The following HIVEP1 variants were observed in gnomAD, a reference collection of about 807,000 sequenced individuals.
The protein encoded by HIVEP1 is zinc finger protein 40.
HIVEP1 carries 36 observed loss-of-function variants against 180.0 expected under a neutral mutation model. The observed-to-expected ratio is 0.20, with a 90% CI of 0.15 to 0.26. HIVEP1 has a LOEUF of 0.26. Ranked by LOEUF, HIVEP1 falls within the 10% of genes least tolerant of loss-of-function variation. HIVEP1 has a pLI of 1.00. For missense variants in HIVEP1, 3,143 were observed against 3,268.7 expected (o/e 0.96, Z 0.94); for synonymous variants, 1,239 against 1,239.0 (o/e 1.00, Z 0.00).
the HIVEP1 span, among the ~76,000 whole-genome samples, chr6:12,170,064 T>C: frequency 3.3e-5 from 5 of 151,564 alleles, no homozygotes; most frequent in Admixed American, 6.6e-5. Context: ...GAGCTTGCAG[T>C]GAGCTGAGAT....
intron 4 of HIVEP1, 32 bp downstream of exon 4, chr6:12,125,902 G>T (rs780579162): frequency 3.6e-6 from 5 of 1,372,470 alleles, no homozygotes; most frequent in Admixed American, 2.1e-5. Flanking sequence ...TTCAGATATG[G>T]TTTGCGCAAA....
chr6:12,105,879 A>T (rs1049599595), intron 3 of HIVEP1, among the ~76,000 whole-genome samples: 1 of 152,020 alleles, frequency 6.6e-6, no homozygotes, highest in Non-Finnish European at 1.5e-5. Context: ...ATTTTGGTAC[A>T]TGCTGTTTGC....
intron 8 of HIVEP1, among the ~76,000 whole-genome samples, chr6:12,162,212 T>G (rs1377149958): frequency 1.3e-5 from 1 of 76,608 alleles, no homozygotes; most frequent in Admixed American, 1.4e-4. Context: ...TTTTGAAAAA[T>G]TTTTGAAATT....
chr6:12,008,422 G>C (rs537102646), upstream of HIVEP1: 2 of 152,310 alleles, frequency 1.3e-5, no homozygotes, highest in African/African-American at 4.8e-5. Context: ...AATGTAGGAG[G>C]CCTCCCGCTG....
At chr6:12,135,958 C>A in intron 7 of HIVEP1, 66 bp downstream of exon 7, 1 of 890,406 alleles carries the variant, frequency 1.1e-6, no homozygotes, top group Non-Finnish European at 1.8e-6. Context: ...GCTTCCATAC[C>A]CTTTCCATTC....
chr6:12,152,825 TG>T (rs34222460), intron 7 of HIVEP1, among the ~76,000 whole-genome samples: 103,357 of 151,984 alleles, frequency 0.68, 35,446 homozygotes, highest in Non-Finnish European at 0.71. Context: ...GAAGCCACCC[TG>T]GGTGTCTTCT....
At chr6:12,108,442 G>C (rs1489262212) in intron 3 of HIVEP1, among the ~76,000 whole-genome samples, 1 of 152,234 alleles carries the variant, frequency 6.6e-6, no homozygotes, top group Non-Finnish European at 1.5e-5. Context: ...AGCAGGGGGC[G>C]GCGCTCATCG....
intron 2 of HIVEP1, among the ~76,000 whole-genome samples, chr6:12,054,033 A>T (rs1770707273): frequency 6.6e-6 from 1 of 152,240 alleles, no homozygotes; most frequent in Non-Finnish European, 1.5e-5. Flanking sequence ...CATTTCAAAT[A>T]GTCTGTCATA....
intron 3 of HIVEP1, among the ~76,000 whole-genome samples, chr6:12,109,060 A>G (rs536485927): frequency 6.6e-6 from 1 of 152,266 alleles, no homozygotes; most frequent in African/African-American, 2.4e-5. Flanking sequence ...GCTTACTGCA[A>G]GCTCCGCCTC....
chr6:12,163,325 A>G lies in HIVEP1; in HGVS notation c.7021A>G (p.Ser2341Gly). Reference sequence around the variant, plus strand: ...ACTTCCTCCTGCTGCAGCTGAGCACAGCCCCCAGACAGCAGCGGGGATGCC... The same window carrying G: ...ACTTCCTCCTGCTGCAGCTGAGCACGGCCCCCAGACAGCAGCGGGGATGCC... ...VRLPPAAAEHSPQTAAGMPSV... is the reference protein window; with the variant it reads ...VRLPPAAAEHGPQTAAGMPSV... The change falls in exon 9 of 9, where the codon AGC becomes GGC. Residue 2341 changes from serine to glycine, a missense_variant. Around this residue, in one of 12 missense-constraint regions of HIVEP1, gnomAD observed 595 missense variants for 602.2 expected, o/e 0.99. Coordinates refer to ENST00000379388, the MANE Select transcript of HIVEP1 (RefSeq NM_002114.4). 1 of 1,614,190 alleles carries G rather than the reference A, an allele frequency of 6.2e-7. No individual in the cohort carries two copies. Among genetic ancestry groups the G allele is most frequent in the East Asian group, 2.2e-5 (1 of 44,888 alleles).
At chr6:12,029,746 T>C (rs893167955) in intron 2 of HIVEP1, among the ~76,000 whole-genome samples, 21 of 152,212 alleles carry the variant, frequency 1.4e-4, no homozygotes, top group African/African-American at 5.1e-4. Flanking sequence ...TTGTGATATA[T>C]GCTTAATCCC....
At chr6:12,092,774 CT>C (rs1445746336) in intron 3 of HIVEP1, among the ~76,000 whole-genome samples, 2 of 152,100 alleles carry the variant, frequency 1.3e-5, no homozygotes, top group South Asian at 2.1e-4. Context: ...AAAAGAAAAA[CT>C]TTAGACACAA....
chr6:12,192,527 G>A, the HIVEP1 span, among the ~76,000 whole-genome samples: 2 of 152,174 alleles, frequency 1.3e-5, no homozygotes, highest in Non-Finnish European at 2.9e-5. Flanking sequence ...GAGGTGATTG[G>A]ATCGTGGGGG....
intron 2 of HIVEP1, among the ~76,000 whole-genome samples, chr6:12,042,031 A>C (rs960712253): frequency 1.4e-5 from 2 of 147,898 alleles, no homozygotes; most frequent in Non-Finnish European, 3.0e-5. Context: ...AAACATCCTT[A>C]CATCCTTTGT....
intron 3 of HIVEP1, among the ~76,000 whole-genome samples, chr6:12,117,522 A>G (rs552522602): frequency 1.3e-5 from 2 of 152,182 alleles, no homozygotes; most frequent in Non-Finnish European, 2.9e-5. Context: ...ACAAGGTTAC[A>G]GTTTTTGTTG....
In HIVEP1 at chr6:12,164,568, C is replaced by T. The variant is rs1760635935; in HGVS notation, c.*107C>T. On this transcript the variant is annotated 3_prime_UTR_variant, in exon 9 of 9. Transcript: ENST00000379388. ...TTTCTGACATAAACTCATGACTAAT[C>T]TTTGTGCAATCATGAACTTTTGACC... is the stretch of plus-strand genomic sequence containing the variant. 1.2e-6 allele frequency: 1 copy of T among 855,114 alleles called. No individual in the cohort carries two copies. Among genetic ancestry groups the T allele is most frequent in the Non-Finnish European group, 1.8e-6 (1 of 571,370 alleles). The allele number at this position is 855,114 out of a possible 1,614,324, so 53.0% of individuals were successfully genotyped here. A position where few individuals can be genotyped will look rare whatever the true frequency, so the allele number is the denominator to read the frequency against.
At chr6:12,062,159 A>G (rs2113756197) in intron 2 of HIVEP1, among the ~76,000 whole-genome samples, 1 of 152,338 alleles carries the variant, frequency 6.6e-6, no homozygotes, top group African/African-American at 2.4e-5. Flanking sequence ...TGATGGTGTT[A>G]CATAGTGCCA....
In HIVEP1 at chr6:12,123,327, G is replaced by A. The variant is rs748696045; in HGVS notation, c.3532G>A (p.Gly1178Arg). ...GAAGTCCGGGTCTCTAAAAGTGATA[G>A]GAATCTCCCAAGAGGAAAGTCACCC... ...TGKSGSLKVI[G>R]ISQEESHPSR... Residue 1178 changes from glycine to arginine, a missense_variant, in exon 4 of 9, where the codon GGA becomes AGA. Around this residue, in one of 12 missense-constraint regions of HIVEP1, gnomAD observed 1,357 missense variants for 1,260.5 expected, o/e 1.08. Transcript: ENST00000379388. 2.7e-5 allele frequency: 43 copies of A among 1,614,028 alleles called. No individual in the cohort carries two copies. The highest frequency in any genetic ancestry group is 3.4e-5 in the Non-Finnish European group (40 of 1,180,042).
chr6:12,073,211 T>G (rs1772103391), intron 2 of HIVEP1, among the ~76,000 whole-genome samples: 1 of 152,196 alleles, frequency 6.6e-6, no homozygotes, highest in African/African-American at 2.4e-5. Context: ...ATAGAAGATG[T>G]TTGCTTGGCT....
Sources: allele counts gnomAD v4.1 joint callset (sites outside exome capture counted in the v4.1 genomes callset), GRCh38; gene constraint gnomAD v4.1.1; regional missense constraint gnomAD v4.1.1; transcripts MANE v1.5; gene names NCBI Gene and HGNC (gene_info 2026-07-23, HGNC 2026-07-21).